GSG1L: variants seen among roughly 807,000 people sequenced by gnomAD.
GSG1L encodes the protein GSG1 like.
Under a neutral mutation model 42.1 loss-of-function variants are expected in GSG1L, and 24 were observed. The ratio of observed to expected loss-of-function variants is 0.57; its 90% confidence interval spans 0.41 to 0.80. The LOEUF is 0.80. Among genes scored for constraint, GSG1L ranks in the 30% least tolerant of loss-of-function variants. The pLI is 0.00. For synonymous variants in GSG1L, 215 were observed against 203.5 expected (o/e 1.06, Z -0.48); for missense variants, 445 against 472.2 (o/e 0.94, Z 0.53).
At chr16:27,954,635 A>G (rs114189088) in intron 2 of GSG1L, among the ~76,000 whole-genome samples, 1 of 152,096 alleles carries the variant, frequency 6.6e-6, no homozygotes, top group African/African-American at 2.4e-5. Context: ...GTATGGGTTC[A>G]TCAGATGAAC....
chr16:27,921,699 G>A (rs939503443), intron 2 of GSG1L, among the ~76,000 whole-genome samples: 1 of 152,184 alleles, frequency 6.6e-6, no homozygotes, highest in Non-Finnish European at 1.5e-5. Flanking sequence ...AGGGGAACTG[G>A]CTTGATAGCT....
intron 2 of GSG1L, among the ~76,000 whole-genome samples, chr16:27,904,761 A>G (rs2084300706): frequency 6.6e-6 from 1 of 152,174 alleles, no homozygotes; most frequent in African/African-American, 2.4e-5. Context: ...ACACGATTAC[A>G]AGACATCTCT....
At chr16:27,989,231 A>G (rs990365718) in intron 1 of GSG1L, among the ~76,000 whole-genome samples, 1 of 152,088 alleles carries the variant, frequency 6.6e-6, no homozygotes, top group African/African-American at 2.4e-5. Context: ...TGGCTAAATG[A>G]CTATTATTTT....
intron 1 of GSG1L, among the ~76,000 whole-genome samples, chr16:28,044,497 A>T (rs2086141573): frequency 6.6e-6 from 1 of 152,210 alleles, no homozygotes; most frequent in Admixed American, 6.5e-5. Flanking sequence ...CAAAACTTGG[A>T]AGCAACCAAG....
intron 3 of GSG1L, among the ~76,000 whole-genome samples, chr16:27,879,613 T>G (rs1433407792): frequency 6.6e-6 from 1 of 152,122 alleles, no homozygotes; most frequent in East Asian, 1.9e-4. Context: ...ATACCCTGTC[T>G]TTAAAAATAA....
intron 6 of GSG1L, among the ~76,000 whole-genome samples, chr16:27,791,711 T>C (rs1174478159): frequency 6.6e-6 from 1 of 151,972 alleles, no homozygotes; most frequent in Non-Finnish European, 1.5e-5. Flanking sequence ...TATCTGCCAA[T>C]ATTTGCTGCC....
intron 1 of GSG1L, among the ~76,000 whole-genome samples, chr16:27,976,990 C>T (rs1476472102): frequency 1.3e-5 from 2 of 152,182 alleles, no homozygotes; most frequent in African/African-American, 4.8e-5. Flanking sequence ...CTGCTAAGCC[C>T]CTTTGGAAGG....
chr16:28,008,719 T>G (rs1165928412), intron 1 of GSG1L, among the ~76,000 whole-genome samples: 2 of 152,254 alleles, frequency 1.3e-5, no homozygotes, highest in Non-Finnish European at 2.9e-5. Flanking sequence ...CCTAGCCCAG[T>G]GGCTCTTGGC....
intron 3 of GSG1L, among the ~76,000 whole-genome samples, chr16:27,869,848 CAT>C (rs2083790110): frequency 9.9e-6 from 1 of 100,666 alleles, no homozygotes; most frequent in Non-Finnish European, 2.1e-5. Context: ...TCTCTCTCTC[CAT>C]CTCTCTCTGT....
intron 2 of GSG1L, among the ~76,000 whole-genome samples, chr16:27,962,484 G>A (rs1485666360): frequency 1.3e-5 from 2 of 152,240 alleles, no homozygotes; most frequent in African/African-American, 2.4e-5. Flanking sequence ...ACTTTGTGGA[G>A]CAGAGCCACC....
chr16:28,010,535 G>A (rs2085705358), intron 1 of GSG1L, among the ~76,000 whole-genome samples: 1 of 152,258 alleles, frequency 6.6e-6, no homozygotes, highest in South Asian at 2.1e-4. Context: ...TCAATCTGGA[G>A]GTGCCACCGT....
intron 1 of GSG1L, among the ~76,000 whole-genome samples, chr16:28,056,557 A>G (rs201443424): frequency 6.6e-6 from 1 of 151,560 alleles, no homozygotes; most frequent in African/African-American, 2.4e-5. Context: ...AATATGGCAC[A>G]TGTATACATA....
intron 6 of GSG1L, among the ~76,000 whole-genome samples, chr16:27,804,037 G>GGATAGATAGATATAGATAGATA (rs1455236652): frequency 7.5e-6 from 1 of 132,676 alleles, no homozygotes; most frequent in African/African-American, 3.1e-5. Context: ...TAGATTAGAT[G>GGATAGATAGATATAGATAGATA]GATAGATAGA....
chr16:27,865,570 T>C lies in GSG1L; in HGVS notation c.550+18916A>G, dbSNP rs12922689. On this transcript the variant is annotated intron_variant, in intron 3 of 6. Coordinates refer to ENST00000447459, the MANE Select transcript of GSG1L (RefSeq NM_001109763.2). ...ATATATATATATATATATATATATA[T>C]ATACACACACACATACATACATACA... 1.5e-3 allele frequency among the ~76,000 whole-genome samples: 19 copies of C among 12,504 alleles called. 1 individual carries two copies. In the East Asian group the frequency reaches 0.034, roughly 23 times the overall value. 8.2% of individuals were successfully genotyped at this position (12,504 alleles called of 152,430 possible). A position where few individuals can be genotyped will look rare whatever the true frequency, so the allele number is the denominator to read the frequency against.
intron 1 of GSG1L, among the ~76,000 whole-genome samples, chr16:27,996,378 A>C (rs2085514265): frequency 6.6e-6 from 1 of 152,208 alleles, no homozygotes; most frequent in African/African-American, 2.4e-5. Context: ...AAAATTACAC[A>C]AGGTCAAGAT....
chr16:27,926,705 G>A (rs956645936), intron 2 of GSG1L, among the ~76,000 whole-genome samples: 3 of 151,410 alleles, frequency 2.0e-5, no homozygotes, highest in East Asian at 1.9e-4. Flanking sequence ...AAAAACAAAC[G>A]AAAAAAAACC....
At chr16:27,871,830 G>A (rs1407934908) in intron 3 of GSG1L, among the ~76,000 whole-genome samples, 1 of 152,184 alleles carries the variant, frequency 6.6e-6, no homozygotes, top group African/African-American at 2.4e-5. Flanking sequence ...GTCTAGAATA[G>A]GCACATTGAT....
intron 2 of GSG1L, among the ~76,000 whole-genome samples, chr16:27,925,725 A>G (rs893298653): frequency 2.0e-5 from 3 of 152,196 alleles, no homozygotes; most frequent in Middle Eastern, 3.2e-3. Context: ...CGGAACCAGT[A>G]GGTGCCTTCA....
At chr16:27,822,524 C>G (rs926377593) in intron 5 of GSG1L, among the ~76,000 whole-genome samples, 1 of 152,168 alleles carries the variant, frequency 6.6e-6, no homozygotes, top group Non-Finnish European at 1.5e-5. Context: ...TCAAGTGATC[C>G]TCCCACCTCA....
Sources: gnomAD v4.1 joint callset for allele counts (sites outside exome capture counted in the v4.1 genomes callset) on GRCh38, gnomAD v4.1.1 for gene constraint, MANE v1.5 for transcripts, NCBI Gene and HGNC (gene_info 2026-07-23, HGNC 2026-07-21) for gene names.